GABRA5: variants seen among roughly 807,000 people sequenced by gnomAD.
The protein encoded by GABRA5 is gamma-aminobutyric acid type A receptor subunit alpha5.
In GABRA5, 18 loss-of-function variants were observed where a neutral mutation model predicts 47.3. That is an observed-to-expected ratio of 0.38 (90% CI 0.26 to 0.56). The LOEUF (loss-of-function observed/expected upper bound fraction) is 0.56, where lower values mean the gene tolerates loss of function less well. Ranked by LOEUF, GABRA5 falls within the 20% of genes least tolerant of loss-of-function variation. The pLI, the probability that GABRA5 is intolerant of heterozygous loss-of-function variation, is 0.71. For synonymous variants in GABRA5, 237 were observed against 229.3 expected (o/e 1.03, Z -0.30); for missense variants, 365 against 599.3 (o/e 0.61, Z 4.08).
At chr15:26,929,998 T>G (rs369494926) in intron 7 of GABRA5, among the ~76,000 whole-genome samples, 217 of 127,824 alleles carry the variant, frequency 1.7e-3, no homozygotes, top group African/African-American at 6.3e-3. Context: ...CTTCTTCTTC[T>G]TCTTCTTCTT....
chr15:26,923,684 T>C (rs943903308), intron 7 of GABRA5, among the ~76,000 whole-genome samples: 2 of 152,156 alleles, frequency 1.3e-5, no homozygotes, highest in East Asian at 3.9e-4. Flanking sequence ...CTTTGAACAC[T>C]CTTTCTGGTC....
At chr15:26,928,294 C>G (rs949352456) in intron 7 of GABRA5, among the ~76,000 whole-genome samples, 4 of 152,186 alleles carry the variant, frequency 2.6e-5, no homozygotes, top group African/African-American at 4.8e-5. Flanking sequence ...TCTAGTGACT[C>G]AGGATGAGCG....
Position 26,943,341 on chromosome 15 carries a change from TGATA to T in GABRA5, c.1007_1010del (p.Ile336SerfsTer34). ...TGCTATGCCTTCGTCTTCTCGGCGC[TGATA>T]GAGTTTGCCACGGTCAATTACTTTA... On this transcript the variant is annotated frameshift_variant, in exon 10 of 11. Coordinates refer to ENST00000335625, the MANE Select transcript of GABRA5 (RefSeq NM_000810.4). LOFTEE classifies it high-confidence loss of function. 6.3e-7 allele frequency: 1 copy of T among 1,596,952 alleles called. No homozygotes were observed. The highest frequency in any genetic ancestry group is 8.5e-7 in the Non-Finnish European group (1 of 1,171,870).
At chr15:26,893,275 GTGTA>G (rs1020219314) in intron 6 of GABRA5, among the ~76,000 whole-genome samples, 5 of 64,200 alleles carry the variant, frequency 7.8e-5, no homozygotes, top group Admixed American at 3.1e-4. Flanking sequence ...TATGGTGTGT[GTGTA>G]TGGCATATGG....
chr15:26,891,690 C>G (rs1023588772), intron 6 of GABRA5, among the ~76,000 whole-genome samples: 7 of 152,156 alleles, frequency 4.6e-5, no homozygotes, highest in African/African-American at 1.7e-4. Flanking sequence ...GTCTGCGCGG[C>G]CTTGAGGTTG....
intron 6 of GABRA5, among the ~76,000 whole-genome samples, chr15:26,905,173 A>G (rs1181947271): frequency 3.9e-5 from 6 of 151,960 alleles, no homozygotes; most frequent in Non-Finnish European, 8.8e-5. Flanking sequence ...TGAAGGGTAC[A>G]TTAATTGATT....
chr15:26,946,114 A>T lies in GABRA5; in HGVS notation c.1090-1820A>T, dbSNP rs548818163. Among the ~76,000 whole-genome samples the T allele has an allele frequency of 3.3e-5, 5 of 152,106 alleles. No homozygotes were observed. The South Asian group carries it at 1.0e-3, about 32-fold the overall frequency. ...CCTGCCCCTGGCCTGGTTTTGGTTC[A>T]CCTGTTTCACCTGTTTCCCCTGACG... On this transcript the variant is annotated intron_variant, in intron 10 of 10. Coordinates refer to ENST00000335625, the MANE Select transcript of GABRA5 (RefSeq NM_000810.4).
intron 6 of GABRA5, among the ~76,000 whole-genome samples, chr15:26,889,685 T>C (rs556455227): frequency 6.6e-6 from 1 of 152,364 alleles, no homozygotes; most frequent in South Asian, 2.1e-4. Flanking sequence ...GCTTCTTTCA[T>C]GAAACCAGAT....
In GABRA5 at chr15:26,883,129, G is replaced by T. The variant is rs772031868; in HGVS notation, c.209-37G>T. 6.4e-7 allele frequency: 1 copy of T among 1,570,824 alleles called. No homozygotes were observed. Among genetic ancestry groups the T allele is most frequent in the East Asian group, 2.2e-5 (1 of 44,648 alleles). On this transcript the variant is annotated intron_variant, in intron 4 of 10. Transcript: ENST00000335625. The surrounding 1 kb of genome is among the most constrained non-coding windows in gnomAD (Gnocchi z 4.8). ...GAGAGTGTGCCAGACGCGCAGGGTG[G>T]GTCGGTGCAGCCCAGGGACCTGTGT...
At chr15:26,939,408 A>G (rs1894331448) in intron 8 of GABRA5, 1 of 765,272 alleles carries the variant, frequency 1.3e-6, no homozygotes, top group South Asian at 1.3e-5. Flanking sequence ...TTGAGCTGCC[A>G]GGACCCAGAG....
chr15:26,947,474 T>C (rs1041932168), intron 10 of GABRA5, among the ~76,000 whole-genome samples: 1 of 152,202 alleles, frequency 6.6e-6, no homozygotes, highest in African/African-American at 2.4e-5. Flanking sequence ...GTTTCTGTGT[T>C]AGTTTGCTAA....
chr15:26,881,778 C>A (rs1181728666), intron 4 of GABRA5, among the ~76,000 whole-genome samples: 3 of 152,200 alleles, frequency 2.0e-5, no homozygotes, highest in Non-Finnish European at 2.9e-5. Flanking sequence ...CGGCTCACTG[C>A]AACCTCTGCC....
At position 26,948,315 on chromosome 15, in the gene GABRA5, C is replaced by A; in HGVS notation, c.*82C>A. On this transcript the variant is annotated 3_prime_UTR_variant, in exon 11 of 11. Transcript: ENST00000335625. ...AGAGGTCTTGCTCACAGGGACTCTCCATATGTGAGCACTATCTTTCAGGAA... is the reference window on the plus strand; with the variant it reads ...AGAGGTCTTGCTCACAGGGACTCTCAATATGTGAGCACTATCTTTCAGGAA... The A allele has an allele frequency of 2.3e-6, 3 of 1,294,384 alleles. No homozygotes were observed. Among genetic ancestry groups the A allele is most frequent in the Non-Finnish European group, 3.2e-6 (3 of 943,516 alleles). 80.2% of individuals were successfully genotyped at this position (1,294,384 alleles called of 1,614,324 possible). A position where few individuals can be genotyped will look rare whatever the true frequency, so the allele number is the denominator to read the frequency against.
At chr15:26,910,586 C>T (rs983309540) in intron 6 of GABRA5, among the ~76,000 whole-genome samples, 9 of 107,656 alleles carry the variant, frequency 8.4e-5, no homozygotes, top group Admixed American at 2.9e-4. Flanking sequence ...GGTGACAGAA[C>T]GAGACTCCAT....
At chr15:26,898,730 C>CTT (rs368760892) in intron 6 of GABRA5, among the ~76,000 whole-genome samples, 2 of 142,464 alleles carry the variant, frequency 1.4e-5, no homozygotes, top group African/African-American at 2.6e-5. Flanking sequence ...TTAGCGTGCT[C>CTT]TTTTTTTTTT....
chr15:26,929,999 TC>T lies in GABRA5; in HGVS notation c.581-7185del, dbSNP rs1177212545. 4.2e-3 allele frequency among the ~76,000 whole-genome samples: 539 copies of T among 128,276 alleles called. 1 individual carries two copies. Among genetic ancestry groups the T allele is most frequent in the Admixed American group, 0.013 (152 of 11,766 alleles). The allele number at this position is 128,276 out of a possible 152,430, so 84.2% of individuals were successfully genotyped here. A position where few individuals can be genotyped will look rare whatever the true frequency, so the allele number is the denominator to read the frequency against. ...TCTGCTTCTTTCTTCTTCTTCTTCT[TC>T]TTCTTCTTTTTTTTTTTTTTTTGTT... On this transcript the variant is annotated intron_variant, in intron 7 of 10. Transcript: ENST00000335625.
intron 6 of GABRA5, among the ~76,000 whole-genome samples, chr15:26,890,850 A>T (rs1892989459): frequency 1.3e-5 from 2 of 152,198 alleles, no homozygotes; most frequent in Admixed American, 1.3e-4. Flanking sequence ...AATGGAATGT[A>T]TGAGATCTCC....
At chr15:26,898,688 T>C (rs906943777) in intron 6 of GABRA5, among the ~76,000 whole-genome samples, 55 of 151,782 alleles carry the variant, frequency 3.6e-4, no homozygotes, top group African/African-American at 1.3e-3. Flanking sequence ...ATTTACCCAA[T>C]CTTTATTTCC....
intron 7 of GABRA5, among the ~76,000 whole-genome samples, chr15:26,921,712 T>C (rs1438183472): frequency 6.6e-6 from 1 of 152,170 alleles, no homozygotes; most frequent in Non-Finnish European, 1.5e-5. Context: ...CTTTTTTCCC[T>C]TCTAGTGTGC....
Sources: allele counts gnomAD v4.1 joint callset (sites outside exome capture counted in the v4.1 genomes callset), GRCh38; gene constraint gnomAD v4.1.1; non-coding constraint Gnocchi (gnomAD v3.1); transcripts MANE v1.5; gene names NCBI Gene and HGNC (gene_info 2026-07-23, HGNC 2026-07-21).